Variants in CNTNAP5 observed in about 807,000 individuals in gnomAD.
CNTNAP5 encodes contactin-associated protein-like 5.
In CNTNAP5, 72 loss-of-function variants were observed where a neutral mutation model predicts 150.2. That is an observed-to-expected ratio of 0.48 (90% CI 0.40 to 0.58). The LOEUF (loss-of-function observed/expected upper bound fraction) is 0.58. Ranked by LOEUF, CNTNAP5 falls within the 20% of genes least tolerant of loss-of-function variation. The pLI, the probability that CNTNAP5 is intolerant of heterozygous loss-of-function variation, is 0.00. For synonymous variants in CNTNAP5, 672 were observed against 619.8 expected, an observed-to-expected ratio of 1.08 and a Z score of -1.25; for missense variants, 1,636 against 1,626.2, an observed-to-expected ratio of 1.01 and a Z score of -0.10.
intron 1 of CNTNAP5, among the ~76,000 whole-genome samples, chr2:124,172,511 C>T (rs1684957635): frequency 6.6e-6 from 1 of 152,162 alleles, no homozygotes; most frequent in South Asian, 2.1e-4. Context: ...CCCCGGGGAT[C>T]AAGGGATCCT....
chr2:124,586,992 G>A lies in CNTNAP5; in HGVS notation c.1757-22809G>A, dbSNP rs540052621. Reference sequence around the variant, plus strand: ...ACCAGCTTCCTGCTGAATGGTGAGTGGACTTGGACAAGTCAGAGTCCTGTT... The same window carrying A: ...ACCAGCTTCCTGCTGAATGGTGAGTAGACTTGGACAAGTCAGAGTCCTGTT... On this transcript the variant is annotated intron_variant, in intron 11 of 23. Coordinates refer to ENST00000682447, the MANE Select transcript of CNTNAP5 (RefSeq NM_001367498.1). Among the ~76,000 whole-genome samples, 6 of 152,216 alleles carry A rather than the reference G, an allele frequency of 3.9e-5. No individual in the cohort carries two copies. The South Asian group carries it at 1.0e-3, about 26-fold the overall frequency.
chr2:124,680,716 C>A (rs913932864), intron 13 of CNTNAP5: 1 of 151,632 alleles, frequency 6.6e-6, no homozygotes, highest in African/African-American at 2.4e-5. Flanking sequence ...ATATTATTGT[C>A]ATTCAATGTC....
chr2:124,522,954 C>A (rs1244608562), intron 8 of CNTNAP5, among the ~76,000 whole-genome samples: 1 of 152,302 alleles, frequency 6.6e-6, no homozygotes, highest in Non-Finnish European at 1.5e-5. Flanking sequence ...CTGTTCCACC[C>A]AGAATTGCAA....
chr2:124,555,591 A>G (rs1169476051), intron 10 of CNTNAP5, among the ~76,000 whole-genome samples: 1 of 152,198 alleles, frequency 6.6e-6, no homozygotes, highest in Non-Finnish European at 1.5e-5. Flanking sequence ...TGGTAGGTTA[A>G]ATGATTTTAT....
intron 3 of CNTNAP5, among the ~76,000 whole-genome samples, chr2:124,348,124 C>T (rs984603849): frequency 6.6e-6 from 1 of 152,108 alleles, no homozygotes; most frequent in Non-Finnish European, 1.5e-5. Flanking sequence ...CTCATACTAT[C>T]TCCACAATTT....
chr2:124,446,373 C>A (rs564146224), intron 5 of CNTNAP5, among the ~76,000 whole-genome samples: 2 of 152,278 alleles, frequency 1.3e-5, no homozygotes, highest in African/African-American at 2.4e-5. Flanking sequence ...CTCCTCCTCC[C>A]AGGCACGGCT....
At chr2:124,866,089 C>G (rs1677626340) in intron 20 of CNTNAP5, among the ~76,000 whole-genome samples, 1 of 151,974 alleles carries the variant, frequency 6.6e-6, no homozygotes, top group East Asian at 1.9e-4. Flanking sequence ...TGGCAAAACC[C>G]CATCAATACT....
intron 1 of CNTNAP5, among the ~76,000 whole-genome samples, chr2:124,150,247 A>T (rs774288456): frequency 1.4e-4 from 21 of 150,646 alleles, no homozygotes; most frequent in Non-Finnish European, 2.4e-4. Context: ...TAGTGTGTTA[A>T]GTAACTGAGA....
intron 3 of CNTNAP5, among the ~76,000 whole-genome samples, chr2:124,387,286 C>T (rs2104744287): frequency 6.6e-6 from 1 of 152,252 alleles, no homozygotes; most frequent in East Asian, 1.9e-4. Flanking sequence ...CTAAGATGCC[C>T]CACCAATAAT....
chr2:124,190,692 G>T (rs1010836838), intron 1 of CNTNAP5, among the ~76,000 whole-genome samples: 1 of 152,004 alleles, frequency 6.6e-6, no homozygotes, highest in Non-Finnish European at 1.5e-5. Flanking sequence ...CAGGAATAAG[G>T]GTGTTATAAG....
At chr2:124,649,275 T>C (rs892231806) in intron 13 of CNTNAP5, among the ~76,000 whole-genome samples, 1 of 152,104 alleles carries the variant, frequency 6.6e-6, no homozygotes, top group African/African-American at 2.4e-5. Context: ...TTCGTGTCCC[T>C]TTACCCAGCA....
intron 3 of CNTNAP5, among the ~76,000 whole-genome samples, chr2:124,298,655 C>T (rs927331158): frequency 1.3e-5 from 2 of 152,034 alleles, no homozygotes; most frequent in Non-Finnish European, 2.9e-5. Context: ...TTTTTTCAGA[C>T]CCCCAATAAA....
chr2:124,495,638 A>G (rs1694124628), intron 7 of CNTNAP5, among the ~76,000 whole-genome samples: 1 of 151,952 alleles, frequency 6.6e-6, no homozygotes. Flanking sequence ...CTCAAATGAA[A>G]CCCTAATGTG....
intron 19 of CNTNAP5, among the ~76,000 whole-genome samples, chr2:124,822,781 T>C (rs1384177525): frequency 6.6e-6 from 1 of 152,164 alleles, no homozygotes; most frequent in East Asian, 1.9e-4. Flanking sequence ...AAAACTTTCA[T>C]GGGGTATTCT....
intron 1 of CNTNAP5, among the ~76,000 whole-genome samples, chr2:124,219,985 A>G (rs1386746601): frequency 1.3e-5 from 2 of 152,068 alleles, no homozygotes; most frequent in Admixed American, 1.3e-4. Context: ...CAACATTTGT[A>G]TTTGGGAAAA....
intron 3 of CNTNAP5, among the ~76,000 whole-genome samples, chr2:124,336,779 A>G (rs373074735): frequency 6.6e-6 from 1 of 151,860 alleles, no homozygotes; most frequent in African/African-American, 2.4e-5. Flanking sequence ...TATCATTGTT[A>G]GACATTTGGG....
chr2:124,413,264 C>G (rs1325645274), intron 3 of CNTNAP5, among the ~76,000 whole-genome samples: 2 of 151,012 alleles, frequency 1.3e-5, no homozygotes, highest in East Asian at 1.9e-4. Flanking sequence ...GAAATAGCAA[C>G]ACTTTTACAC....
intron 1 of CNTNAP5, among the ~76,000 whole-genome samples, chr2:124,137,411 G>A (rs1461674107): frequency 6.6e-6 from 1 of 151,994 alleles, no homozygotes; most frequent in Non-Finnish European, 1.5e-5. Context: ...GATCCACATA[G>A]GACTTGGTGT....
chr2:124,892,538 A>G (rs1288540526), intron 21 of CNTNAP5, among the ~76,000 whole-genome samples: 1 of 152,112 alleles, frequency 6.6e-6, no homozygotes, highest in Non-Finnish European at 1.5e-5. Context: ...AGCTCTAGAT[A>G]AAGAATTCTG....
Sources: allele counts gnomAD v4.1 joint callset (sites outside exome capture counted in the v4.1 genomes callset), GRCh38; gene constraint gnomAD v4.1.1; transcripts MANE v1.5; gene names NCBI Gene and HGNC (gene_info 2026-07-23, HGNC 2026-07-21).